TMF1: variants seen among roughly 807,000 people sequenced by gnomAD.
TMF1 encodes TATA element modulatory factor.
A neutral mutation model predicts 126.5 loss-of-function variants in TMF1; 71 were observed. That is an observed-to-expected ratio of 0.56 (90% CI 0.46 to 0.68). The LOEUF (loss-of-function observed/expected upper bound fraction) is 0.68, where lower values mean the gene tolerates loss of function less well. Ranked by LOEUF, TMF1 falls within the 30% of genes least tolerant of loss-of-function variation. The pLI, the probability that TMF1 is intolerant of heterozygous loss-of-function variation, is 0.00. For missense variants in TMF1, 1,259 were observed against 1,253.2 expected (o/e 1.00, Z -0.07); for synonymous variants, 461 against 430.5 (o/e 1.07, Z -0.88).
rs766993601 is a variant in TMF1, at chr3:69,038,857, C to T, written c.1980G>A (p.Leu660=). 1 of 1,607,578 alleles carries T rather than the reference C, an allele frequency of 6.2e-7. No individual in the cohort carries two copies. The highest frequency in any genetic ancestry group is 1.1e-5 in the South Asian group (1 of 89,732). Residue 660 remains leucine, a synonymous_variant, in exon 7 of 17, where the codon CTG becomes CTA. Transcript: ENST00000398559. ...EEKNRSIQAA[L]DSAYKELTDL... ...CATTTTCTTACTTGTATGCACTATC[C>T]AGGGCAGCCTGAATACTTCGGTTCT... is the stretch of plus-strand genomic sequence containing the variant.
chr3:69,026,212 A>G, intron 13 of TMF1, 115 bp from the exon 14 acceptor site: 1 of 647,270 alleles, frequency 1.5e-6, no homozygotes, highest in Non-Finnish European at 2.7e-6. Flanking sequence ...AAAAAGCCAC[A>G]CTACAAAGGA....
intron 16 of TMF1, 150 bp downstream of exon 16, chr3:69,023,904 TA>T: frequency 3.0e-6 from 2 of 669,004 alleles, no homozygotes; most frequent in Non-Finnish European, 2.3e-6. Context: ...ACAAGCAAGA[TA>T]AAAGATTCAT....
Position 69,039,007 on chromosome 3 carries a change from G to A in TMF1, c.1830C>T (p.Val610=). Residue 610 remains valine (V), a splice_region_variant and synonymous_variant, in exon 7 of 17, where the codon GTC becomes GTT. Transcript: ENST00000398559. ...LEEELQHLKQ[V]LDGKEEVEKQ... ...TCTCAACCTCTTCTTTGCCATCAAG[G>A]ACCTATATGTTATAAAAACAGACAA... is the stretch of plus-strand genomic sequence containing the variant. The A allele has an allele frequency of 6.4e-7, 1 of 1,560,038 alleles. No homozygotes were observed. The highest frequency in any genetic ancestry group is 8.7e-7 in the Non-Finnish European group (1 of 1,155,252).
In TMF1 at chr3:69,027,791, C is replaced by G. The variant is rs2091778291; in HGVS notation, c.2757+109G>C. Reference sequence around the variant, plus strand: ...CTGGGCCACATGCCAACCAGGGCCACAGGTTGGACAAGCTTGTTATAAAGC... The same window carrying G: ...CTGGGCCACATGCCAACCAGGGCCAGAGGTTGGACAAGCTTGTTATAAAGC... On this transcript the variant is annotated intron_variant, in intron 13 of 16. Transcript: ENST00000398559. 5.3e-6 allele frequency: 3 copies of G among 565,002 alleles called. No individual in the cohort carries two copies. In the Middle Eastern group the frequency reaches 8.6e-4, roughly 162 times the overall value. The allele number at this position is 565,002 out of a possible 1,614,324, so 35.0% of individuals were successfully genotyped here. A position where few individuals can be genotyped will look rare whatever the true frequency, so the allele number is the denominator to read the frequency against.
intron 10 of TMF1, among the ~76,000 whole-genome samples, chr3:69,031,880 A>G (rs1235171904): frequency 1.3e-5 from 2 of 152,224 alleles, no homozygotes; most frequent in Non-Finnish European, 2.9e-5. Flanking sequence ...AAAAACCACA[A>G]AAGTACCAGT....
chr3:69,023,298 G>A lies in TMF1; in HGVS notation c.3161C>T (p.Thr1054Ile). Residue 1054 changes from threonine (T) to isoleucine (I), a missense_variant, in exon 17 of 17, where the codon ACT (threonine) becomes ATT (isoleucine). Physicochemically the swap from Thr to Ile is moderately conservative, Grantham distance 89 (BLOSUM62 -1). Coordinates refer to ENST00000398559, the MANE Select transcript of TMF1 (RefSeq NM_007114.3). ...TTTTTCTCCATACATCTGCAGAATA[G>A]TGTTGTACCTTTGATCCAAATCCTG... ...QLRDLDQRYN[T>I]ILQMYGEKAE... 1 of 1,610,186 alleles carries A rather than the reference G, an allele frequency of 6.2e-7. No individual in the cohort carries two copies. Among genetic ancestry groups the A allele is most frequent in the Non-Finnish European group, 8.5e-7 (1 of 1,178,592 alleles).
intron 11 of TMF1, among the ~76,000 whole-genome samples, chr3:69,028,507 G>C (rs1463307748): frequency 2.0e-5 from 3 of 152,138 alleles, no homozygotes; most frequent in African/African-American, 7.2e-5. Context: ...CCACTTCTGT[G>C]CATTTTATTT....
Position 69,052,162 on chromosome 3 carries a change from A to G in TMF1, c.-76T>C. On this transcript the variant is annotated 5_prime_UTR_variant, in exon 1 of 17. Coordinates refer to ENST00000398559, the MANE Select transcript of TMF1 (RefSeq NM_007114.3). ...CAGGCCTGGGGAAGGGTGCAGAGGA[A>G]CGGCTTCGCTCCCCTTTTCCACTCG... 1.4e-6 allele frequency: 2 copies of G among 1,456,002 alleles called. No homozygotes were observed. The highest frequency in any genetic ancestry group is 1.8e-6 in the Non-Finnish European group (2 of 1,092,918). The allele number at this position is 1,456,002 out of a possible 1,614,324, so 90.2% of individuals were successfully genotyped here. A position where few individuals can be genotyped will look rare whatever the true frequency, so the allele number is the denominator to read the frequency against.
intron 11 of TMF1, 113 bp from the exon 12 acceptor site, chr3:69,028,408 T>C: frequency 1.5e-6 from 1 of 655,816 alleles, no homozygotes; most frequent in Non-Finnish European, 2.5e-6. Flanking sequence ...ATCATTTTTA[T>C]TACCAGCTTG....
At chr3:69,025,274 A>T in intron 15 of TMF1, 1 of 287,346 alleles carries the variant, frequency 3.5e-6, no homozygotes, top group Non-Finnish European at 6.5e-6. Flanking sequence ...TGTCTTATGT[A>T]GGCAGGTTGT....
At position 69,024,221 on chromosome 3, in the gene TMF1, T is replaced by C. The variant is rs770707299; in HGVS notation, c.3013-41A>G. On this transcript the variant is annotated intron_variant, in intron 15 of 16. Transcript: ENST00000398559. ...ACAAAATAGTTTAAATCAAAACATA[T>C]CTTTTTTAATACTCCCAGTAATATA... The C allele has an allele frequency of 1.1e-5, 17 of 1,520,838 alleles. No homozygotes were observed. The East Asian group carries it at 2.8e-4, about 25-fold the overall frequency. The allele number at this position is 1,520,838 out of a possible 1,614,324, so 94.2% of individuals were successfully genotyped here. A position where few individuals can be genotyped will look rare whatever the true frequency, so the allele number is the denominator to read the frequency against.
chr3:69,024,168 T>A lies in TMF1; in HGVS notation c.3025A>T (p.Asn1009Tyr). The change falls in exon 16 of 17, where the codon AAT becomes TAT. Residue 1009 changes from asparagine (N) to tyrosine (Y), a missense_variant. Coordinates refer to ENST00000398559, the MANE Select transcript of TMF1 (RefSeq NM_007114.3). ...EITHLQLEIG[N>Y]LEKTRSIMAE... ...ATTATTGATCGAGTTTTTTCTAGAT[T>A]GCCAATTTCTAGCTGAGAAGCATTA... 6.2e-7 allele frequency: 1 copy of A among 1,605,176 alleles called. No individual in the cohort carries two copies. Among genetic ancestry groups the A allele is most frequent in the Non-Finnish European group, 8.5e-7 (1 of 1,176,850 alleles).
intron 1 of TMF1, among the ~76,000 whole-genome samples, chr3:69,051,150 C>T (rs916198992): frequency 2.6e-5 from 4 of 152,110 alleles, no homozygotes; most frequent in African/African-American, 9.7e-5. Context: ...CGGATATAAA[C>T]CAAGCTCTCT....
intron 8 of TMF1, 68 bp from the exon 9 acceptor site, chr3:69,035,183 C>T (rs970534239): frequency 7.0e-6 from 9 of 1,289,038 alleles, no homozygotes; most frequent in African/African-American, 1.5e-5. Flanking sequence ...CCACTAACTA[C>T]ATATTTTGTG....
Position 69,047,716 on chromosome 3 carries a change from C to A in TMF1, c.989G>T (p.Ser330Ile). 1 of 1,614,098 alleles carries A rather than the reference C, an allele frequency of 6.2e-7. No individual in the cohort carries two copies. The highest frequency in any genetic ancestry group is 8.5e-7 in the Non-Finnish European group (1 of 1,180,022). ...SDAFERIDSF[S>I]VQSLDSRSVS... ...ACTCCGGCTATCTAATGACTGTACA[C>A]TAAATGAGTCTATTCTTTCAAAAGC... Residue 330 changes from serine to isoleucine, a missense_variant, in exon 2 of 17, where the codon AGT (serine) becomes ATT (isoleucine). Physicochemically the swap from Ser to Ile is moderately radical, Grantham distance 142. Coordinates refer to ENST00000398559, the MANE Select transcript of TMF1 (RefSeq NM_007114.3).
intron 1 of TMF1, 61 bp downstream of exon 1, chr3:69,051,884 T>G (rs1449865105): frequency 6.3e-7 from 1 of 1,584,324 alleles, no homozygotes; most frequent in East Asian, 2.3e-5. Flanking sequence ...CCACTTAACC[T>G]GCCTGCATCA....
chr3:69,032,902 C>T (rs2091810853), intron 10 of TMF1, among the ~76,000 whole-genome samples: 1 of 152,050 alleles, frequency 6.6e-6, no homozygotes, highest in South Asian at 2.1e-4. Flanking sequence ...TGAGCCACCG[C>T]GCCCTGCCAG....
rs757800287 is a variant in TMF1, at chr3:69,024,153, G to C, written c.3040C>G (p.Arg1014Gly). The change falls in exon 16 of 17, where the codon CGA (arginine) becomes GGA (glycine). Residue 1014 changes from arginine (R) to glycine (G), a missense_variant. Transcript: ENST00000398559. ...QLEIGNLEKT[R>G]SIMAEELVKL... is the part of the protein sequence containing the mutation. ...ACTAGTTCTTCAGCCATTATTGATC[G>C]AGTTTTTTCTAGATTGCCAATTTCT... 3 of 1,605,536 alleles carry C rather than the reference G, an allele frequency of 1.9e-6. No individual in the cohort carries two copies. Among genetic ancestry groups the C allele is most frequent in the African/African-American group, 2.7e-5 (2 of 74,444 alleles).
chr3:69,051,052 C>T (rs1462882493), intron 1 of TMF1, among the ~76,000 whole-genome samples: 1 of 152,168 alleles, frequency 6.6e-6, no homozygotes, highest in Non-Finnish European at 1.5e-5. Flanking sequence ...CGGCTAATAC[C>T]TCCGGCACAT....
Sources: allele counts gnomAD v4.1 joint callset (sites outside exome capture counted in the v4.1 genomes callset), GRCh38; gene constraint gnomAD v4.1.1; transcripts MANE v1.5; gene names NCBI Gene and HGNC (gene_info 2026-07-23, HGNC 2026-07-21).